The following PARD3B variants were observed in gnomAD, a reference collection of about 807,000 sequenced individuals.
The protein encoded by PARD3B is par-3 family cell polarity regulator beta.
In PARD3B, 103 loss-of-function variants were observed where a neutral mutation model predicts 130.2. The observed-to-expected ratio is 0.79, with a 90% CI of 0.67 to 0.93. The LOEUF (loss-of-function observed/expected upper bound fraction) is 0.93. PARD3B is among the 40% of genes least tolerant of loss of function. PARD3B has a pLI of 0.00. For missense variants in PARD3B, 1,609 were observed against 1,499.2 expected, an observed-to-expected ratio of 1.07 and a Z score of -1.21; for synonymous variants, 583 against 553.2, an observed-to-expected ratio of 1.05 and a Z score of -0.76.
chr2:205,380,236 A>T (rs1370244941), intron 18 of PARD3B, among the ~76,000 whole-genome samples: 7 of 87,316 alleles, frequency 8.0e-5, no homozygotes, highest in Non-Finnish European at 1.0e-4. Flanking sequence ...TTATGTAAAG[A>T]ATATATATTA....
At position 204,932,230 on chromosome 2, in the gene PARD3B, A is replaced by T. The variant is rs183478384; in HGVS notation, c.223-32922A>T. Among the ~76,000 whole-genome samples, 14 of 152,232 alleles carry T rather than the reference A, an allele frequency of 9.2e-5. No homozygotes were observed. The East Asian group carries it at 2.7e-3, about 29-fold the overall frequency. On this transcript the variant is annotated intron_variant, in intron 2 of 22. Coordinates refer to ENST00000406610, the MANE Select transcript of PARD3B (RefSeq NM_001302769.2). ...GCCTTTAAAAATCATGGCTCAAAGTATTGTTGAAGCTTGGGCTGCAAGCTT... is the reference window on the plus strand; with the variant it reads ...GCCTTTAAAAATCATGGCTCAAAGTTTTGTTGAAGCTTGGGCTGCAAGCTT...
At chr2:204,624,631 C>T (rs924119471) in intron 1 of PARD3B, among the ~76,000 whole-genome samples, 6 of 152,104 alleles carry the variant, frequency 3.9e-5, no homozygotes, top group African/African-American at 7.2e-5. Context: ...ATTCACCTAT[C>T]GTGGACATTC....
At chr2:205,096,231 G>C (rs1320020992) in intron 4 of PARD3B, among the ~76,000 whole-genome samples, 1 of 151,928 alleles carries the variant, frequency 6.6e-6, no homozygotes, top group Non-Finnish European at 1.5e-5. Context: ...GCTTGGAATG[G>C]ACCTTAAAAA....
intron 4 of PARD3B, among the ~76,000 whole-genome samples, chr2:205,090,067 C>T (rs1041993323): frequency 2.6e-5 from 4 of 152,128 alleles, no homozygotes; most frequent in Non-Finnish European, 5.9e-5. Flanking sequence ...TCCCTTGTAA[C>T]AAGAAGAGAA....
At chr2:205,455,813 G>A (rs2048255105) in intron 20 of PARD3B, among the ~76,000 whole-genome samples, 1 of 151,978 alleles carries the variant, frequency 6.6e-6, no homozygotes. Flanking sequence ...TTTGACATTG[G>A]TACAATGCAT....
At chr2:205,073,277 G>A (rs1324479841) in intron 4 of PARD3B, among the ~76,000 whole-genome samples, 1 of 152,088 alleles carries the variant, frequency 6.6e-6, no homozygotes, top group African/African-American at 2.4e-5. Flanking sequence ...ATCAGGGTGT[G>A]TTTTAAAAAT....
intron 3 of PARD3B, among the ~76,000 whole-genome samples, chr2:205,008,615 C>A (rs1482134686): frequency 6.6e-6 from 1 of 152,038 alleles, no homozygotes; most frequent in Non-Finnish European, 1.5e-5. Flanking sequence ...TTATGTATCT[C>A]TAGACTAAAT....
At chr2:204,872,483 T>G (rs1016721317) in intron 2 of PARD3B, among the ~76,000 whole-genome samples, 1 of 152,108 alleles carries the variant, frequency 6.6e-6, no homozygotes, top group African/African-American at 2.4e-5. Flanking sequence ...AAGGTATTCA[T>G]TTTTTGTGTT....
At chr2:205,577,813 T>G (rs1234692543) in intron 22 of PARD3B, among the ~76,000 whole-genome samples, 1 of 152,230 alleles carries the variant, frequency 6.6e-6, no homozygotes, top group African/African-American at 2.4e-5. Context: ...TTTTTAAAGC[T>G]ACCAAAGTAA....
rs546957641 is a variant in PARD3B, at chr2:205,481,351, C to T, written c.3045-18545C>T. On this transcript the variant is annotated intron_variant, in intron 20 of 22. Transcript: ENST00000406610. ...GGAAAGCAGGAGGCTGGGGTGGTGT[C>T]GACAATGGAAAGAGAGCAAAGAGGT... 7.9e-5 allele frequency among the ~76,000 whole-genome samples: 12 copies of T among 151,908 alleles called. No homozygotes were observed. The South Asian group carries it at 2.3e-3, about 29-fold the overall frequency.
intron 4 of PARD3B, among the ~76,000 whole-genome samples, chr2:205,079,881 A>G (rs1309619068): frequency 1.3e-5 from 2 of 152,170 alleles, no homozygotes; most frequent in Non-Finnish European, 2.9e-5. Flanking sequence ...ATATTTATTT[A>G]AAGATTCTAA....
intron 19 of PARD3B, among the ~76,000 whole-genome samples, chr2:205,406,259 G>C (rs2046413516): frequency 6.6e-6 from 1 of 151,920 alleles, no homozygotes; most frequent in African/African-American, 2.4e-5. Flanking sequence ...TTACTTTTTT[G>C]AAAACAAATT....
intron 4 of PARD3B, among the ~76,000 whole-genome samples, chr2:205,052,332 T>C (rs1699246318): frequency 6.6e-6 from 1 of 150,536 alleles, no homozygotes; most frequent in Non-Finnish European, 1.5e-5. Flanking sequence ...GTGAATGGCA[T>C]TATTTGTTCT....
At chr2:205,084,961 A>G (rs1002214671) in intron 4 of PARD3B, among the ~76,000 whole-genome samples, 1 of 151,888 alleles carries the variant, frequency 6.6e-6, no homozygotes, top group African/African-American at 2.4e-5. Flanking sequence ...TTCTATGTTC[A>G]TTTGAAGATT....
rs1321617017 is a variant in PARD3B at position 205,122,655 on chromosome 2, G to A, written c.1165+706G>A. On this transcript the variant is annotated intron_variant, in intron 8 of 22. Coordinates refer to ENST00000406610, the MANE Select transcript of PARD3B (RefSeq NM_001302769.2). The surrounding 1 kb of genome is among the most constrained non-coding windows in gnomAD (Gnocchi z 4.3). The stretch of plus-strand genomic sequence containing the variant: ...CCATTGCAACCTTCTGAAATTCTGT[G>A]TTTTTCAAGACAACTCAAAAGAAAC... 6.6e-6 allele frequency among the ~76,000 whole-genome samples: 1 copy of A among 152,080 alleles called. No homozygotes were observed. The highest frequency in any genetic ancestry group is 1.5e-5 in the Non-Finnish European group (1 of 68,000).
intron 3 of PARD3B, among the ~76,000 whole-genome samples, chr2:205,034,676 AT>A (rs1486465048): frequency 6.6e-6 from 1 of 152,198 alleles, no homozygotes; most frequent in African/African-American, 2.4e-5. Context: ...AGCAGCAATA[AT>A]TTTTTAAAAA....
chr2:205,055,371 T>C (rs1699566847), intron 4 of PARD3B, among the ~76,000 whole-genome samples: 1 of 152,200 alleles, frequency 6.6e-6, no homozygotes, highest in Non-Finnish European at 1.5e-5. Context: ...TTCTGGTATG[T>C]GAATTAATTA....
intron 10 of PARD3B, among the ~76,000 whole-genome samples, chr2:205,153,205 G>A (rs576171951): frequency 6.6e-6 from 1 of 152,304 alleles, no homozygotes; most frequent in African/African-American, 2.4e-5. Flanking sequence ...CCTACTGGGA[G>A]GTGTCTCCCA....
At chr2:204,870,891 ATTATAT>A (rs1443258710) in intron 2 of PARD3B, among the ~76,000 whole-genome samples, 2 of 152,180 alleles carry the variant, frequency 1.3e-5, no homozygotes, top group African/African-American at 4.8e-5. Context: ...TCAGCAACAA[ATTATAT>A]TTAGAGAAAT....
Sources: allele counts gnomAD v4.1 joint callset (sites outside exome capture counted in the v4.1 genomes callset), GRCh38; gene constraint gnomAD v4.1.1; non-coding constraint Gnocchi (gnomAD v3.1); transcripts MANE v1.5; gene names NCBI Gene and HGNC (gene_info 2026-07-23, HGNC 2026-07-21).